Variants in GPRC5D observed in about 807,000 individuals in gnomAD.
The protein encoded by GPRC5D is G protein-coupled receptor family C group 5 member D.
In GPRC5D, 20 loss-of-function variants were observed where a neutral mutation model predicts 29.3. That is an observed-to-expected ratio of 0.68 (90% confidence interval 0.48 to 0.99). GPRC5D has a LOEUF of 0.99. GPRC5D is among the 50% of genes least tolerant of loss of function. The probability of loss-of-function intolerance (pLI) is 0.00; values close to 1 mark genes in which losing one functional copy is unlikely to be tolerated. For synonymous variants in GPRC5D, 178 were observed against 171.3 expected, an observed-to-expected ratio of 1.04 and a Z score of -0.30; for missense variants, 384 against 423.6, an observed-to-expected ratio of 0.91 and a Z score of 0.82.
Position 12,949,599 on chromosome 12 carries a change from GA to G in GPRC5D, c.785del (p.Leu262ProfsTer48), listed in dbSNP as rs753384536. On this transcript the variant is annotated frameshift_variant, in exon 1 of 3. Transcript: ENST00000228887. LOFTEE classifies it high-confidence loss of function. The stretch of plus-strand genomic sequence containing the variant: ...GTCTACACGATCTGTAGAGAATGCA[GA>G]GCTCAGGGACGATGTACAGCAGCAG... The G allele has an allele frequency of 1.2e-6, 2 of 1,614,194 alleles. No individual in the cohort carries two copies. Among genetic ancestry groups the G allele is most frequent in the Non-Finnish European group, 1.7e-6 (2 of 1,180,024 alleles).
chr12:12,943,006 G>A (rs1041823852), intron 1 of GPRC5D, among the ~76,000 whole-genome samples: 5 of 151,996 alleles, frequency 3.3e-5, no homozygotes, highest in African/African-American at 9.7e-5. Context: ...TAAAAATTTT[G>A]CCCAGGTTGA....
chr12:12,949,741 A>G, exon 1 of GPRC5D: 1 of 1,614,206 alleles, frequency 6.2e-7, no homozygotes, highest in South Asian at 1.1e-5. Flanking sequence ...CACCCAGATG[A>G]TGATGGAGAA....
chr12:12,947,949 C>T lies in GPRC5D; in HGVS notation c.895+1541G>A, dbSNP rs112771011. Among the ~76,000 whole-genome samples the T allele has an allele frequency of 7.4e-3, 1,127 of 152,262 alleles. 18 individuals are homozygous for T. Among genetic ancestry groups the T allele is most frequent in the African/African-American group, 0.026 (1,070 of 41,546 alleles). On this transcript the variant is annotated intron_variant, in intron 1 of 2. Transcript: ENST00000228887. ...GCTATCACTGGCAGACTATTTCCTG[C>T]TCAGAGATGGGTTTTCTAACCTTGC...
downstream of GPRC5D, chr12:12,940,735 A>G: frequency 1.6e-6 from 2 of 1,227,532 alleles, no homozygotes; most frequent in South Asian, 1.2e-5. Flanking sequence ...GCTACCCAGG[A>G]CGGTCTGCTG....
rs1288045204 is a variant in GPRC5D at position 12,944,863 on chromosome 12, T to TTC, written c.896-2537_896-2536dup. 8.1e-5 allele frequency among the ~76,000 whole-genome samples: 8 copies of TTC among 98,468 alleles called. 1 individual carries two copies. Among genetic ancestry groups the TTC allele is most frequent in the Non-Finnish European group, 1.7e-4 (8 of 47,114 alleles). 64.6% of individuals were successfully genotyped at this position (98,468 alleles called of 152,430 possible). ...CTTCCTTCCTTCCTTCTTTCTTTCT[T>TTC]TCTTTCTTTCTTTCTTTCTTTCTTT... On this transcript the variant is annotated intron_variant, in intron 1 of 2. Transcript: ENST00000228887.
chr12:12,943,505 T>C (rs953526292), intron 1 of GPRC5D, among the ~76,000 whole-genome samples: 4 of 152,244 alleles, frequency 2.6e-5, no homozygotes, highest in Non-Finnish European at 4.4e-5. Context: ...TTGAGGATTA[T>C]GTAAAATGTT....
chr12:12,946,973 GT>G (rs1863364369), intron 1 of GPRC5D: 1 of 152,168 alleles, frequency 6.6e-6, no homozygotes, highest in African/African-American at 2.4e-5. Flanking sequence ...GGATAGTCTG[GT>G]AAAGCACATA....
intron 1 of GPRC5D, among the ~76,000 whole-genome samples, chr12:12,948,963 T>C (rs1462746012): frequency 1.3e-5 from 2 of 152,228 alleles, no homozygotes. Flanking sequence ...AAAGTTGAAA[T>C]CCAGAAGTGA....
In GPRC5D at chr12:12,944,844, TCCTTCCTTC is replaced by T. The variant is rs1565477376; in HGVS notation, c.896-2525_896-2517del. 1.6e-3 allele frequency among the ~76,000 whole-genome samples: 75 copies of T among 46,856 alleles called. 1 individual carries two copies. The highest frequency in any genetic ancestry group is 3.8e-3 in the African/African-American group (70 of 18,216). 30.7% of individuals were successfully genotyped at this position (46,856 alleles called of 152,430 possible). A position where few individuals can be genotyped will look rare whatever the true frequency, so the allele number is the denominator to read the frequency against. ...TTCCTTCCTTCCTTCCTTCCTTCCT[TCCTTCCTTC>T]TTTCTTTCTTTCTTTCTTTCTTTCT... On this transcript the variant is annotated intron_variant, in intron 1 of 2. Transcript: ENST00000228887.
Position 12,946,288 on chromosome 12 carries a change from C to CT in GPRC5D, c.895+3201dup, listed in dbSNP as rs56158233. On this transcript the variant is annotated intron_variant, in intron 1 of 2. Coordinates refer to ENST00000228887, the Ensembl canonical transcript of GPRC5D. ...CCTTTCTTCCTTCCTTCCTTCCTTC[C>CT]TTTCTTCCTTCCTTCCTTCCTTTTC... Among the ~76,000 whole-genome samples the CT allele has an allele frequency of 3.5e-3, 297 of 85,664 alleles. 1 individual carries two copies. The highest frequency in any genetic ancestry group is 5.7e-3 in the African/African-American group (128 of 22,446). The allele number at this position is 85,664 out of a possible 152,430, so 56.2% of individuals were successfully genotyped here.
chr12:12,949,746 G>T lies in GPRC5D; in HGVS notation c.639C>A (p.Ser213=). Residue 213 remains serine (S), a synonymous_variant, in exon 1 of 3, where the codon TCC becomes TCA. Coordinates refer to ENST00000228887, the Ensembl canonical transcript of GPRC5D. ...AGATCCACACCACCCAGATGATGAT[G>T]GAGAAGAGCACAGTGATAAAGATGA... The T allele has an allele frequency of 2.5e-6, 4 of 1,614,222 alleles. No homozygotes were observed. In the South Asian group the frequency reaches 4.4e-5, roughly 18 times the overall value.
chr12:12,946,475 G>A (rs1263860969), intron 1 of GPRC5D, among the ~76,000 whole-genome samples: 3 of 135,220 alleles, frequency 2.2e-5, no homozygotes, highest in South Asian at 2.4e-4. Context: ...TCTTTCTTTC[G>A]ACGCAGCCTT....
downstream of GPRC5D, chr12:12,940,712 C>T (rs1863120107): frequency 1.1e-6 from 1 of 933,500 alleles, no homozygotes; most frequent in African/African-American, 1.6e-5. Context: ...CCCCCGTGGG[C>T]TATCAGGGCT....
chr12:12,942,474 C>A (rs562278512), intron 1 of GPRC5D, 146 bp from the exon 3 acceptor site: 15 of 614,696 alleles, frequency 2.4e-5, no homozygotes, highest in African/African-American at 5.5e-5. Context: ...GTGGCTCACG[C>A]CTGTAATCCC....
chr12:12,947,861 C>G lies in GPRC5D; in HGVS notation c.895+1629G>C, dbSNP rs570670816. On this transcript the variant is annotated intron_variant, in intron 1 of 2. Coordinates refer to ENST00000228887, the Ensembl canonical transcript of GPRC5D. ...GTGTGAGCCACAGAGCCCAGCCAAT[C>G]TGTATGTTCTTTACAACACTATTGA... Among the ~76,000 whole-genome samples, 12 of 152,310 alleles carry G rather than the reference C, an allele frequency of 7.9e-5. No homozygotes were observed. In the South Asian group the frequency reaches 2.1e-3, roughly 26 times the overall value.
chr12:12,950,769 T>C (rs142723623), upstream of GPRC5D, among the ~76,000 whole-genome samples: 462 of 152,038 alleles, frequency 3.0e-3, 1 homozygote, highest in African/African-American at 0.011. Context: ...ATTGCCCCAC[T>C]GTACTCCAGC....
Position 12,949,613 on chromosome 12 carries a change from T to G in GPRC5D, c.772A>C (p.Ile258Leu), listed in dbSNP as rs754518641. ...TAGAGAATGCAGAGCTCAGGGACGA[T>G]GTACAGCAGCAGGAAAACCCATGCG... Residue 258 changes from isoleucine (I) to leucine (L), a missense_variant, in exon 1 of 3, where the codon ATC (isoleucine) becomes CTC (leucine). Transcript: ENST00000228887. 12 of 1,614,036 alleles carry G rather than the reference T, an allele frequency of 7.4e-6. No individual in the cohort carries two copies. Among genetic ancestry groups the G allele is most frequent in the Admixed American group, 1.7e-5 (1 of 60,006 alleles).
chr12:12,946,287 CCTTT>C (rs1863317658), intron 1 of GPRC5D, among the ~76,000 whole-genome samples: 12 of 86,000 alleles, frequency 1.4e-4, no homozygotes, highest in East Asian at 7.0e-4. Context: ...TTCCTTCCTT[CCTTT>C]CTTCCTTCCT....
intron 1 of GPRC5D, among the ~76,000 whole-genome samples, chr12:12,944,821 CCTTCCTTCCT>C (rs1565477096): frequency 0.024 from 322 of 13,232 alleles, 10 homozygotes; most frequent in South Asian, 0.086. Context: ...TTCCTTCCTT[CCTTCCTTCCT>C]TCCTTCCTTC....
Sources: allele counts gnomAD v4.1 joint callset (sites outside exome capture counted in the v4.1 genomes callset), GRCh38; gene constraint gnomAD v4.1.1; transcripts MANE v1.5; gene names NCBI Gene and HGNC (gene_info 2026-07-23, HGNC 2026-07-21).